Variants in KREMEN1 observed in about 807,000 individuals in gnomAD.
KREMEN1 encodes the protein kremen protein 1.
KREMEN1 carries 30 observed loss-of-function variants against 46.5 expected under a neutral mutation model. The ratio of observed to expected loss-of-function variants is 0.65; its 90% CI spans 0.48 to 0.88. KREMEN1 has a LOEUF of 0.88. Among genes scored for constraint, KREMEN1 ranks in the 40% least tolerant of loss-of-function variants. The probability of loss-of-function intolerance (pLI) is 0.00; values close to 1 mark genes in which losing one functional copy is unlikely to be tolerated. For missense variants in KREMEN1, 533 were observed against 596.9 expected (o/e 0.89, Z 1.11); for synonymous variants, 214 against 230.6 (o/e 0.93, Z 0.65).
chr22:29,133,204 C>T (rs1273023871), intron 5 of KREMEN1, among the ~76,000 whole-genome samples: 1 of 144,032 alleles, frequency 6.9e-6, no homozygotes, highest in Non-Finnish European at 1.5e-5. Context: ...GCAGAGATCG[C>T]GTCATTGCAC....
At chr22:29,166,583 C>G (rs991140388) in intron 9 of KREMEN1, among the ~76,000 whole-genome samples, 14 of 152,204 alleles carry the variant, frequency 9.2e-5, no homozygotes, top group African/African-American at 3.4e-4. Flanking sequence ...GCAGAAGTTA[C>G]AGAAACCCAG....
intron 4 of KREMEN1, among the ~76,000 whole-genome samples, chr22:29,123,154 C>T (rs5752870): frequency 0.54 from 82,453 of 151,302 alleles, 23,379 homozygotes; most frequent in East Asian, 0.92. Context: ...AAAAAGTTCT[C>T]ACATGAGGCA....
chr22:29,155,975 T>C (rs1327535026), intron 9 of KREMEN1, among the ~76,000 whole-genome samples: 4 of 150,376 alleles, frequency 2.7e-5, no homozygotes, highest in Non-Finnish European at 5.9e-5. Flanking sequence ...AAAAAAAAAA[T>C]TTGGAAAGCA....
intron 5 of KREMEN1, 45 bp from the exon 6 acceptor site, chr22:29,137,297 G>A (rs2038676356): frequency 1.0e-5 from 14 of 1,348,794 alleles, no homozygotes; most frequent in Non-Finnish European, 1.4e-5. Context: ...CGCGCCTGTG[G>A]CAAAGGCCCA....
chr22:29,137,501 G>A lies in KREMEN1; in HGVS notation c.791G>A (p.Arg264Lys). 6.2e-7 allele frequency: 1 copy of A among 1,610,708 alleles called. No homozygotes were observed. Among genetic ancestry groups the A allele is most frequent in the Non-Finnish European group, 8.5e-7 (1 of 1,177,142 alleles). Residue 264 changes from arginine (R) to lysine (K), a missense_variant, in exon 6 of 9, where the codon AGG becomes AAG. Physicochemically the swap from Arg to Lys is conservative, Grantham distance 26 (BLOSUM62 2). Coordinates refer to ENST00000400335, the MANE Select transcript of KREMEN1 (RefSeq NM_001039570.3). ...IHFSFPLFDI[R>K]DSADMVELLD... ...TTCAGCTTCCCCCTATTTGACATCA[G>A]GGACTCGGCGGACATGGTGGAGCTT...
intron 9 of KREMEN1, chr22:29,154,590 G>A (rs2038945147): frequency 6.6e-6 from 1 of 152,362 alleles, no homozygotes; most frequent in African/African-American, 2.4e-5. Context: ...CTTTCCTGCA[G>A]GAGCCGTCCC....
intron 3 of KREMEN1, 35 bp from the exon 4 acceptor site, chr22:29,121,322 G>A (rs753777823): frequency 1.9e-6 from 3 of 1,611,226 alleles, no homozygotes; most frequent in Non-Finnish European, 2.5e-6. Flanking sequence ...ACAGCCAGAT[G>A]TTGCGAAATT....
intron 3 of KREMEN1, among the ~76,000 whole-genome samples, chr22:29,119,910 AT>A (rs2038303166): frequency 6.6e-6 from 1 of 152,238 alleles, no homozygotes; most frequent in Non-Finnish European, 1.5e-5. Context: ...GTGATAGATT[AT>A]CCAGGTGAGA....
chr22:29,162,274 T>A (rs2039018283), intron 9 of KREMEN1, among the ~76,000 whole-genome samples: 1 of 152,078 alleles, frequency 6.6e-6, no homozygotes, highest in African/African-American at 2.4e-5. Context: ...ATGCTTTCAA[T>A]AAACTCCAAC....
chr22:29,075,922 C>A (rs2037562995), intron 1 of KREMEN1, among the ~76,000 whole-genome samples: 1 of 152,188 alleles, frequency 6.6e-6, no homozygotes, highest in African/African-American at 2.4e-5. Context: ...CATTCCCCAT[C>A]AATCCTACTT....
chr22:29,079,645 A>G (rs116701330), intron 1 of KREMEN1, among the ~76,000 whole-genome samples: 1 of 152,364 alleles, frequency 6.6e-6, no homozygotes, highest in African/African-American at 2.4e-5. Context: ...ATACTCACAC[A>G]CAAAATTTTA....
intron 1 of KREMEN1, among the ~76,000 whole-genome samples, chr22:29,076,332 A>G (rs1418754106): frequency 6.6e-6 from 1 of 152,212 alleles, no homozygotes; most frequent in African/African-American, 2.4e-5. Flanking sequence ...AGTTCAGTTA[A>G]CAGCTAGAGC....
rs867801118 is a variant in KREMEN1, at chr22:29,144,879, C to T, written c.*2767C>T. On this transcript the variant is annotated 3_prime_UTR_variant, in exon 9 of 9. Transcript: ENST00000400335. ...GCCTGCAGCGGGGGCAGCACTTCCTCGGAGGGCCTGGGAGGTGCTGGGGAT... is the reference window on the plus strand; with the variant it reads ...GCCTGCAGCGGGGGCAGCACTTCCTTGGAGGGCCTGGGAGGTGCTGGGGAT... The T allele has an allele frequency of 2.0e-6, 2 of 985,526 alleles. No homozygotes were observed. The highest frequency in any genetic ancestry group is 9.4e-5 in the South Asian group (2 of 21,290). The allele number at this position is 985,526 out of a possible 1,614,324, so 61.0% of individuals were successfully genotyped here.
intron 9 of KREMEN1, among the ~76,000 whole-genome samples, chr22:29,165,180 T>C (rs892293947): frequency 2.0e-5 from 3 of 146,844 alleles, no homozygotes; most frequent in Non-Finnish European, 4.5e-5. Flanking sequence ...CTCAAAAAAA[T>C]AAAAATAAAA....
intron 9 of KREMEN1, among the ~76,000 whole-genome samples, chr22:29,163,864 A>G (rs1367872814): frequency 6.6e-6 from 1 of 152,192 alleles, no homozygotes; most frequent in African/African-American, 2.4e-5. Context: ...CCCAAACCTC[A>G]GCATCACGCA....
At chr22:29,149,059 G>T (rs1458537226), downstream of KREMEN1, among the ~76,000 whole-genome samples, 1 of 152,036 alleles carries the variant, frequency 6.6e-6, no homozygotes, top group Non-Finnish European at 1.5e-5. Context: ...GCATTGCCTC[G>T]ACATGGAGTC....
At chr22:29,136,697 C>T (rs1377124583) in intron 5 of KREMEN1, among the ~76,000 whole-genome samples, 1 of 152,246 alleles carries the variant, frequency 6.6e-6, no homozygotes, top group South Asian at 2.1e-4. Flanking sequence ...TAGAACATGC[C>T]TATCAAAAAC....
chr22:29,120,195 AGGGAG>A (rs2038317302), intron 3 of KREMEN1, among the ~76,000 whole-genome samples: 1 of 117,294 alleles, frequency 8.5e-6, no homozygotes, highest in African/African-American at 3.0e-5. Flanking sequence ...TGAAGGAAAC[AGGGAG>A]GAGGGAGAGG....
At chr22:29,098,027 A>G (rs1210254686) in intron 2 of KREMEN1, among the ~76,000 whole-genome samples, 1 of 152,112 alleles carries the variant, frequency 6.6e-6, no homozygotes, top group Non-Finnish European at 1.5e-5. Flanking sequence ...ACTAAAAACA[A>G]AAATTAGTCA....
Sources: gnomAD v4.1 joint callset for allele counts (sites outside exome capture counted in the v4.1 genomes callset) on GRCh38, gnomAD v4.1.1 for gene constraint, MANE v1.5 for transcripts, NCBI Gene and HGNC (gene_info 2026-07-23, HGNC 2026-07-21) for gene names.